Variants in ATG5 observed in about 807,000 individuals in gnomAD.
ATG5 encodes autophagy protein 5.
A neutral mutation model predicts 36.5 loss-of-function variants in ATG5; 14 were observed. The ratio of observed to expected loss-of-function variants is 0.38; its 90% CI spans 0.25 to 0.60. ATG5 has a LOEUF of 0.60. ATG5 is among the 20% of genes least tolerant of loss of function. The pLI is 0.60. For missense variants in ATG5, 195 were observed against 326.7 expected (o/e 0.60, Z 3.11); for synonymous variants, 95 against 101.5 (o/e 0.94, Z 0.38).
chr6:106,230,014 TA>T (rs1777613015), intron 6 of ATG5, among the ~76,000 whole-genome samples: 3 of 152,334 alleles, frequency 2.0e-5, no homozygotes, highest in South Asian at 4.1e-4. Context: ...ACAGGGGATT[TA>T]AATCTTAATT....
chr6:106,296,526 T>G (rs1769946479), intron 3 of ATG5, among the ~76,000 whole-genome samples: 2 of 152,206 alleles, frequency 1.3e-5, no homozygotes, highest in East Asian at 3.9e-4. Flanking sequence ...AAGTGTAAAA[T>G]AAGCATGCAG....
intron 7 of ATG5, among the ~76,000 whole-genome samples, chr6:106,191,925 T>C (rs1775980673): frequency 6.6e-6 from 1 of 152,206 alleles, no homozygotes; most frequent in Non-Finnish European, 1.5e-5. Flanking sequence ...GTGATTGGCA[T>C]ACAAAGGGCT....
intron 6 of ATG5, among the ~76,000 whole-genome samples, chr6:106,240,339 TAATA>T (rs1778070535): frequency 6.7e-6 from 1 of 148,486 alleles, no homozygotes; most frequent in African/African-American, 2.4e-5. Flanking sequence ...AAAATATCTT[TAATA>T]TATTTATAGA....
intron 7 of ATG5, among the ~76,000 whole-genome samples, chr6:106,189,481 C>CGTG (rs766184169): frequency 4.6e-5 from 7 of 151,690 alleles, no homozygotes; most frequent in Non-Finnish European, 7.4e-5. Flanking sequence ...TTTAGCTGGG[C>CGTG]GTGGTGGTGC....
intron 7 of ATG5, among the ~76,000 whole-genome samples, chr6:106,191,396 TCA>T (rs1775962747): frequency 6.6e-6 from 1 of 152,122 alleles, no homozygotes; most frequent in Non-Finnish European, 1.5e-5. Flanking sequence ...ACTCTGTGGG[TCA>T]GTTTGCAAAC....
intron 2 of ATG5, among the ~76,000 whole-genome samples, chr6:106,309,555 A>G (rs1027360629): frequency 3.3e-5 from 5 of 152,182 alleles, no homozygotes; most frequent in African/African-American, 9.6e-5. Flanking sequence ...TTATAAAGAA[A>G]TAACTGTGAT....
At chr6:106,302,931 A>G (rs530087091) in intron 3 of ATG5, among the ~76,000 whole-genome samples, 1 of 152,112 alleles carries the variant, frequency 6.6e-6, no homozygotes, top group South Asian at 2.1e-4. Context: ...TGCTTGTACA[A>G]CATTGTGAAT....
At chr6:106,210,952 A>T (rs991218513) in intron 6 of ATG5, among the ~76,000 whole-genome samples, 3 of 151,334 alleles carry the variant, frequency 2.0e-5, no homozygotes, top group Admixed American at 1.3e-4. Context: ...TGAGCTGTCA[A>T]AAAAAATAAG....
intron 1 of ATG5, among the ~76,000 whole-genome samples, chr6:106,320,020 CAT>C (rs1771002362): frequency 6.6e-6 from 1 of 152,242 alleles, no homozygotes; most frequent in African/African-American, 2.4e-5. Context: ...CATTACCTCA[CAT>C]GTGATACACA....
At chr6:106,301,304 A>G (rs1407690166) in intron 3 of ATG5, among the ~76,000 whole-genome samples, 1 of 152,108 alleles carries the variant, frequency 6.6e-6, no homozygotes, top group Non-Finnish European at 1.5e-5. Flanking sequence ...CAACAAATGT[A>G]TTGAGTATTC....
At chr6:106,190,303 G>A (rs1407698612) in intron 7 of ATG5, among the ~76,000 whole-genome samples, 2 of 152,166 alleles carry the variant, frequency 1.3e-5, no homozygotes, top group Non-Finnish European at 1.5e-5. Context: ...ATGGAAGAAC[G>A]TGGAAGTGTG....
At chr6:106,293,626 T>C (rs1167293826) in intron 3 of ATG5, among the ~76,000 whole-genome samples, 1 of 152,198 alleles carries the variant, frequency 6.6e-6, no homozygotes, top group Admixed American at 6.5e-5. Context: ...ATTAGGACTA[T>C]CCTTTACAAA....
intron 6 of ATG5, among the ~76,000 whole-genome samples, chr6:106,221,875 A>G (rs1329761381): frequency 3.3e-5 from 5 of 152,106 alleles, no homozygotes; most frequent in African/African-American, 4.8e-5. Context: ...GGCTAGCATA[A>G]TAAAAATATG....
intron 2 of ATG5, among the ~76,000 whole-genome samples, chr6:106,313,475 A>G (rs1297445522): frequency 2.6e-5 from 4 of 152,236 alleles, no homozygotes; most frequent in South Asian, 4.1e-4. Context: ...GAAACAAGTC[A>G]CAAAATAGCA....
intron 7 of ATG5, among the ~76,000 whole-genome samples, chr6:106,187,792 C>A (rs1168506634): frequency 4.6e-5 from 7 of 152,150 alleles, no homozygotes; most frequent in Non-Finnish European, 8.8e-5. Flanking sequence ...AAACAAGAGA[C>A]CCTTTTAAAG....
chr6:106,260,228 G>A (rs1236085031), intron 5 of ATG5, among the ~76,000 whole-genome samples: 1 of 152,126 alleles, frequency 6.6e-6, no homozygotes, highest in African/African-American at 2.4e-5. Context: ...TGCACGTTGT[G>A]CACATGTACC....
At chr6:106,265,130 T>C (rs921227880) in intron 5 of ATG5, among the ~76,000 whole-genome samples, 4 of 50,020 alleles carry the variant, frequency 8.0e-5, no homozygotes, top group Admixed American at 2.3e-4. Context: ...AGGTTCAAAA[T>C]AAAGAGATTG....
chr6:106,314,660 TTA>T (rs1247800728), intron 2 of ATG5, among the ~76,000 whole-genome samples: 1 of 152,178 alleles, frequency 6.6e-6, no homozygotes, highest in African/African-American at 2.4e-5. Context: ...TCACATACTC[TTA>T]TATACTATTA....
chr6:106,254,130 C>G (rs1029671980), intron 5 of ATG5, among the ~76,000 whole-genome samples: 1 of 152,156 alleles, frequency 6.6e-6, no homozygotes, highest in Non-Finnish European at 1.5e-5. Context: ...TCAGTTTTAG[C>G]AGCCTAGAAT....
Sources: gnomAD v4.1 joint callset for allele counts (sites outside exome capture counted in the v4.1 genomes callset) on GRCh38, gnomAD v4.1.1 for gene constraint, MANE v1.5 for transcripts, NCBI Gene and HGNC (gene_info 2026-07-23, HGNC 2026-07-21) for gene names.